ATXN3: variants seen among roughly 807,000 people sequenced by gnomAD.
ATXN3 encodes ataxin 3.
ATXN3 carries 28 observed loss-of-function variants against 58.2 expected under a neutral mutation model. The observed-to-expected ratio is 0.48, with a 90% CI of 0.36 to 0.66. The LOEUF (loss-of-function observed/expected upper bound fraction) is 0.66. Ranked by LOEUF, ATXN3 falls within the 30% of genes least tolerant of loss-of-function variation. ATXN3 has a pLI of 0.00. For missense variants in ATXN3, 321 were observed against 422.1 expected, an observed-to-expected ratio of 0.76 and a Z score of 2.10; for synonymous variants, 113 against 138.5, an observed-to-expected ratio of 0.82 and a Z score of 1.29.
At chr14:92,104,783 C>T (rs1376190358) in intron 1 of ATXN3, among the ~76,000 whole-genome samples, 2 of 151,808 alleles carry the variant, frequency 1.3e-5, no homozygotes, top group Non-Finnish European at 2.9e-5. Flanking sequence ...ATTAGCTGGG[C>T]GTGGTGGCGG....
At chr14:92,104,188 T>C (rs2067574594) in intron 1 of ATXN3, among the ~76,000 whole-genome samples, 1 of 152,242 alleles carries the variant, frequency 6.6e-6, no homozygotes, top group Non-Finnish European at 1.5e-5. Flanking sequence ...TTGCCCAGGC[T>C]GAAGTGCAGT....
At chr14:92,050,204 G>T (rs2057443522), upstream of ATXN3, 1 of 151,812 alleles carries the variant, frequency 6.6e-6, no homozygotes, top group South Asian at 2.1e-4. Flanking sequence ...TATAATAGAG[G>T]TGGGATAGGT....
chr14:92,088,929 T>C, intron 5 of ATXN3, 112 bp from the exon 6 acceptor site: 1 of 652,564 alleles, frequency 1.5e-6, no homozygotes, highest in Non-Finnish European at 2.7e-6. Flanking sequence ...GTTTAAACTC[T>C]GGAAATATTT....
At position 92,096,265 on chromosome 14, in the gene ATXN3, T is replaced by A. The variant is rs55743437; in HGVS notation, c.190-128A>T. 2.6e-3 allele frequency: 4,108 copies of A among 1,576,538 alleles called. 177 individuals carry two copies. In the Admixed American group the frequency reaches 0.07, roughly 27 times the overall value. ...ATTTCCAAAGTTAACAGCACAGTTA[T>A]AATTCACCAGTCAGATCCCTATAGG... On this transcript the variant is annotated intron_variant, in intron 2 of 10. Transcript: ENST00000644486.
intron 10 of ATXN3, among the ~76,000 whole-genome samples, chr14:92,064,900 A>T (rs535604824): frequency 6.6e-6 from 1 of 152,296 alleles, no homozygotes; most frequent in East Asian, 1.9e-4. Context: ...GGTTTCGTGT[A>T]CTCTTTTGCC....
intron 1 of ATXN3, among the ~76,000 whole-genome samples, chr14:92,101,647 C>G (rs1248424649): frequency 6.6e-6 from 1 of 152,054 alleles, no homozygotes; most frequent in Middle Eastern, 3.4e-3. Flanking sequence ...CACTTGAGAT[C>G]AGGAGTTCGA....
chr14:92,064,426 CA>C lies in ATXN3; in HGVS notation c.992-13del. 1 of 1,576,502 alleles carries C rather than the reference CA, an allele frequency of 6.3e-7. No individual in the cohort carries two copies. The highest frequency in any genetic ancestry group is 1.7e-5 in the Admixed American group (1 of 57,504). On this transcript the variant is annotated splice_polypyrimidine_tract_variant and intron_variant, in intron 10 of 10. Transcript: ENST00000644486. ...ACTCATAGCATCACCTGTTGGGAAACAAAACCACATTTCTTTAAAATTTCCA... is the reference window on the plus strand; with the variant it reads ...ACTCATAGCATCACCTGTTGGGAAACAAACCACATTTCTTTAAAATTTCCA...
At chr14:92,092,639 AACC>A (rs2064103335) in intron 5 of ATXN3, among the ~76,000 whole-genome samples, 1 of 152,184 alleles carries the variant, frequency 6.6e-6, no homozygotes, top group African/African-American at 2.4e-5. Context: ...ACTTAAAAGT[AACC>A]ACATTTGTAT....
rs35041243 is a variant in ATXN3, at chr14:92,062,006, A to G, written c.*2314T>C. 3.3e-5 allele frequency: 5 copies of G among 152,506 alleles called. No homozygotes were observed. Among genetic ancestry groups the G allele is most frequent in the African/African-American group, 1.2e-4 (5 of 41,586 alleles). The allele number at this position is 152,506 out of a possible 1,614,324, so 9.4% of individuals were successfully genotyped here. ...CGCAGTGGCTCATGCCTGTAATCCC[A>G]ACACTTTGGGAGGCCAAGGCAGGCG... On this transcript the variant is annotated 3_prime_UTR_variant, in exon 11 of 11. Transcript: ENST00000644486.
Position 92,095,379 on chromosome 14 carries a change from G to C in ATXN3, c.234+714C>G, listed in dbSNP as rs368753991. 5.4e-4 allele frequency among the ~76,000 whole-genome samples: 82 copies of C among 152,076 alleles called. 1 individual carries two copies. Among genetic ancestry groups the C allele is most frequent in the African/African-American group, 1.7e-3 (72 of 41,510 alleles). On this transcript the variant is annotated intron_variant, in intron 3 of 10. Transcript: ENST00000644486. ...CTGCCTCAGCCTCCCGAGTAGCTGG[G>C]ATTACAGGCACGTGTCACCACGTCC...
chr14:92,088,584 C>CA lies in ATXN3; in HGVS notation c.475+145dup, dbSNP rs894674825. The CA allele has an allele frequency of 7.4e-6, 5 of 672,666 alleles. No homozygotes were observed. In the Admixed American group the frequency reaches 1.2e-4, roughly 16 times the overall value. 41.7% of individuals were successfully genotyped at this position (672,666 alleles called of 1,614,324 possible). A position where few individuals can be genotyped will look rare whatever the true frequency, so the allele number is the denominator to read the frequency against. Reference sequence around the variant, plus strand: ...AGAACTCTAACTGAACAGCGTCACCCAAATCACAGCCTATCACCACGTCAA... The same window carrying CA: ...AGAACTCTAACTGAACAGCGTCACCCAAAATCACAGCCTATCACCACGTCAA... On this transcript the variant is annotated intron_variant, in intron 6 of 10. Coordinates refer to ENST00000644486, the MANE Select transcript of ATXN3 (RefSeq NM_004993.6).
chr14:92,092,666 G>T (rs1433761416), intron 5 of ATXN3, among the ~76,000 whole-genome samples: 1 of 151,826 alleles, frequency 6.6e-6, no homozygotes, highest in East Asian at 1.9e-4. Context: ...CTTTAATATA[G>T]AATTTTTCTT....
In ATXN3 at chr14:92,088,825, A is replaced by C. The variant is rs756119932; in HGVS notation, c.388-8T>G. On this transcript the variant is annotated splice_region_variant and splice_polypyrimidine_tract_variant and intron_variant, in intron 5 of 10. Coordinates refer to ENST00000644486, the MANE Select transcript of ATXN3 (RefSeq NM_004993.6). ...AGAATTCAAGTTAAACCACTGGAAA[A>C]AAATTGTCAATATTTAAGTTAGTGT... 6.0e-5 allele frequency: 93 copies of C among 1,556,140 alleles called. 5 individuals carry two copies. In the South Asian group the frequency reaches 1.0e-3, roughly 17 times the overall value.
intron 1 of ATXN3, among the ~76,000 whole-genome samples, chr14:92,105,708 G>A (rs1237979288): frequency 6.6e-6 from 1 of 152,134 alleles, no homozygotes; most frequent in Non-Finnish European, 1.5e-5. Context: ...GAGAAACGAG[G>A]AGTTTCTTTA....
downstream of ATXN3, among the ~76,000 whole-genome samples, chr14:92,056,523 A>G (rs2057465665): frequency 6.6e-6 from 1 of 152,180 alleles, no homozygotes; most frequent in South Asian, 2.1e-4. Flanking sequence ...AAAACCCTAC[A>G]AATACTGAAT....
intron 1 of ATXN3, among the ~76,000 whole-genome samples, chr14:92,049,381 G>C (rs1566883489): frequency 6.6e-6 from 1 of 152,312 alleles, no homozygotes; most frequent in East Asian, 1.9e-4. Flanking sequence ...TGGAGTGTGG[G>C]TGAATAATCA....
rs377639670 is a variant in ATXN3, at chr14:92,060,310, G to T, written c.*4010C>A. The T allele has an allele frequency of 6.7e-5, 10 of 148,370 alleles. No homozygotes were observed. The South Asian group carries it at 2.1e-3, about 31-fold the overall frequency. 9.2% of individuals were successfully genotyped at this position (148,370 alleles called of 1,614,324 possible). Reference sequence around the variant, plus strand: ...AAACAGTGTCTCACTCTGTTGGGCAGGCTGGAATGCAGTGGTGAGCCCTTG... The same window carrying T: ...AAACAGTGTCTCACTCTGTTGGGCATGCTGGAATGCAGTGGTGAGCCCTTG... On this transcript the variant is annotated 3_prime_UTR_variant, in exon 11 of 11. Transcript: ENST00000644486.
chr14:92,067,356 C>T (rs78762669), intron 10 of ATXN3, among the ~76,000 whole-genome samples: 3,322 of 152,250 alleles, frequency 0.022, 127 homozygotes, highest in African/African-American at 0.076. Context: ...ATGACTTCTT[C>T]CTCAATTTTT....
chr14:92,051,850 C>T (rs1427833798), upstream of ATXN3, among the ~76,000 whole-genome samples: 4 of 148,796 alleles, frequency 2.7e-5, no homozygotes, highest in African/African-American at 4.9e-5. Context: ...GCCTTAGCCT[C>T]CTTAGTAGCT....
Sources: allele counts gnomAD v4.1 joint callset (sites outside exome capture counted in the v4.1 genomes callset), GRCh38; gene constraint gnomAD v4.1.1; transcripts MANE v1.5; gene names NCBI Gene and HGNC (gene_info 2026-07-23, HGNC 2026-07-21).